Variants in ITGA8 observed in about 807,000 individuals in gnomAD.
ITGA8 encodes integrin subunit alpha 8.
Under a neutral mutation model 142.3 loss-of-function variants are expected in ITGA8, and 91 were observed. The observed-to-expected ratio is 0.64, with a 90% CI of 0.54 to 0.76. The LOEUF (loss-of-function observed/expected upper bound fraction) is 0.76. ITGA8 is among the 30% of genes least tolerant of loss of function. The pLI is 0.00. For missense variants in ITGA8, 1,406 were observed against 1,327.7 expected (o/e 1.06, Z -0.92); for synonymous variants, 505 against 485.2 (o/e 1.04, Z -0.54).
At chr10:15,639,983 G>C (rs1164625947) in intron 13 of ITGA8, among the ~76,000 whole-genome samples, 2 of 152,284 alleles carry the variant, frequency 1.3e-5, no homozygotes, top group Non-Finnish European at 2.9e-5. Flanking sequence ...AACTCCATTG[G>C]GGATGGCAGC....
intron 2 of ITGA8, among the ~76,000 whole-genome samples, chr10:15,718,499 A>C (rs1274313763): frequency 1.3e-5 from 2 of 152,190 alleles, no homozygotes; most frequent in African/African-American, 4.8e-5. Context: ...TGCTCATCTC[A>C]GAAAGGTAAA....
chr10:15,640,341 G>A (rs933456608), intron 13 of ITGA8, among the ~76,000 whole-genome samples: 12 of 152,194 alleles, frequency 7.9e-5, no homozygotes, highest in African/African-American at 2.9e-4. Context: ...GGGTGTGTGT[G>A]CCACCCAGGG....
At chr10:15,715,393 G>T (rs530379854) in intron 2 of ITGA8, among the ~76,000 whole-genome samples, 2 of 152,180 alleles carry the variant, frequency 1.3e-5, no homozygotes, top group African/African-American at 2.4e-5. Flanking sequence ...CTCCTTGGGG[G>T]CTTAGTCATA....
intron 27 of ITGA8, among the ~76,000 whole-genome samples, chr10:15,537,127 C>T (rs1833457926): frequency 6.6e-6 from 1 of 152,182 alleles, no homozygotes; most frequent in Non-Finnish European, 1.5e-5. Flanking sequence ...GACCAGTTTG[C>T]ATGTTCGTTA....
intron 2 of ITGA8, among the ~76,000 whole-genome samples, chr10:15,690,870 A>G (rs1434381842): frequency 1.3e-5 from 2 of 152,140 alleles, no homozygotes; most frequent in Non-Finnish European, 2.9e-5. Context: ...TCCCCTAAAA[A>G]GCTTTTGCAC....
At chr10:15,713,757 A>T (rs1264844519) in intron 2 of ITGA8, among the ~76,000 whole-genome samples, 2 of 152,154 alleles carry the variant, frequency 1.3e-5, no homozygotes, top group African/African-American at 4.8e-5. Context: ...ACCCCCCAAA[A>T]CAAAGGCTTC....
intron 11 of ITGA8, among the ~76,000 whole-genome samples, chr10:15,651,910 G>A (rs189353048): frequency 6.6e-6 from 1 of 152,138 alleles, no homozygotes; most frequent in East Asian, 1.9e-4. Context: ...AATTTACATA[G>A]CATCTAAGTA....
At chr10:15,611,477 A>G (rs1261127104) in intron 15 of ITGA8, 1 of 146,550 alleles carries the variant, frequency 6.8e-6, no homozygotes, top group Non-Finnish European at 1.5e-5. Context: ...CTTTCCATAA[A>G]ACCAAACAGA....
In ITGA8 at chr10:15,519,391, C is replaced by T; in HGVS notation, c.3004G>A (p.Ala1002Thr). The T allele has an allele frequency of 6.2e-7, 1 of 1,613,460 alleles. No individual in the cohort carries two copies. The highest frequency in any genetic ancestry group is 1.1e-5 in the South Asian group (1 of 91,012). ...ATTGAGAAGGAAACATTCGGAGTTG[C>T]CCAAATAACTGATGTCTTAATCTGA... Reference protein sequence around the residue: ...SIVIKTSVIWATPNVSFSIPL... With the variant: ...SIVIKTSVIWTTPNVSFSIPL... Residue 1002 changes from alanine (A) to threonine (T), a missense_variant, in exon 29 of 30, where the codon GCA (alanine) becomes ACA (threonine). Coordinates refer to ENST00000378076, the MANE Select transcript of ITGA8 (RefSeq NM_003638.3).
At chr10:15,549,236 G>GTTT (rs1833747165) in intron 26 of ITGA8, among the ~76,000 whole-genome samples, 1 of 69,994 alleles carries the variant, frequency 1.4e-5, no homozygotes, top group African/African-American at 9.9e-5. Context: ...TTGAGACAGA[G>GTTT]TTTTGCTCTT....
chr10:15,528,303 C>T (rs1481869814), intron 28 of ITGA8, among the ~76,000 whole-genome samples: 3 of 152,064 alleles, frequency 2.0e-5, no homozygotes, highest in African/African-American at 7.2e-5. Flanking sequence ...AAAATGTCTG[C>T]CAGCTCCACT....
At chr10:15,615,757 G>A (rs561903595) in intron 14 of ITGA8, among the ~76,000 whole-genome samples, 2 of 151,960 alleles carry the variant, frequency 1.3e-5, no homozygotes, top group African/African-American at 2.4e-5. Context: ...CAAGTGATCC[G>A]CCCACCTCGG....
rs892994146 is a variant in ITGA8 at position 15,604,068 on chromosome 10, G to A, written c.2118+140C>T. 9 of 744,770 alleles carry A rather than the reference G, an allele frequency of 1.2e-5. No homozygotes were observed. In the African/African-American group the frequency reaches 1.2e-4, roughly 10 times the overall value. 46.1% of individuals were successfully genotyped at this position (744,770 alleles called of 1,614,324 possible). A position where few individuals can be genotyped will look rare whatever the true frequency, so the allele number is the denominator to read the frequency against. The stretch of plus-strand genomic sequence containing the variant: ...CACCCCTGCTTTGTGGCTCATTGCT[G>A]TTATGATTTAACAAAAGAAGGTATC... On this transcript the variant is annotated intron_variant, in intron 20 of 29. Transcript: ENST00000378076.
intron 17 of ITGA8, among the ~76,000 whole-genome samples, 161 bp from the exon 18 acceptor site, chr10:15,606,583 A>G (rs1833201247): frequency 6.6e-6 from 1 of 152,182 alleles, no homozygotes; most frequent in African/African-American, 2.4e-5. Context: ...TGTGGTATAT[A>G]GTAGCCAGCA....
chr10:15,669,241 C>T (rs1834460166), intron 8 of ITGA8, among the ~76,000 whole-genome samples: 1 of 152,062 alleles, frequency 6.6e-6, no homozygotes, highest in Non-Finnish European at 1.5e-5. Flanking sequence ...TTTCTCTAAA[C>T]TTCTCTTCTT....
intron 2 of ITGA8, among the ~76,000 whole-genome samples, 183 bp downstream of exon 2, chr10:15,718,583 G>C (rs777265058): frequency 3.3e-5 from 5 of 152,162 alleles, no homozygotes; most frequent in Admixed American, 2.6e-4. Context: ...TTCACTAAAC[G>C]TCTTCCTTCA....
At chr10:15,702,582 C>T (rs900257628) in intron 2 of ITGA8, among the ~76,000 whole-genome samples, 4 of 152,138 alleles carry the variant, frequency 2.6e-5, no homozygotes, top group Non-Finnish European at 2.9e-5. Context: ...TGAGCCACCG[C>T]GCGTGGCCCA....
In ITGA8 at chr10:15,604,271, T is replaced by C. The variant is rs778115014; in HGVS notation, c.2055A>G (p.Glu685=). ...NARNEGEGAY[E]AELFVMIPEE... Reference sequence around the variant, plus strand: ...CTGGTATCATTACAAAGAGTTCAGCTTCATATGCTCCTTCCCCTTCATTTC... The same window carrying C: ...CTGGTATCATTACAAAGAGTTCAGCCTCATATGCTCCTTCCCCTTCATTTC... Residue 685 remains glutamate, a synonymous_variant, in exon 20 of 30, where the codon GAA becomes GAG. Coordinates refer to ENST00000378076, the MANE Select transcript of ITGA8 (RefSeq NM_003638.3). The C allele has an allele frequency of 2.5e-6, 4 of 1,613,534 alleles. No individual in the cohort carries two copies. In the East Asian group the frequency reaches 6.7e-5, roughly 27 times the overall value.
intron 2 of ITGA8, among the ~76,000 whole-genome samples, chr10:15,715,130 C>T (rs1352697542): frequency 6.6e-6 from 1 of 151,992 alleles, no homozygotes; most frequent in Admixed American, 6.5e-5. Context: ...GTTACTGGCA[C>T]TGAGCAGAGA....
Sources: allele counts gnomAD v4.1 joint callset (sites outside exome capture counted in the v4.1 genomes callset), GRCh38; gene constraint gnomAD v4.1.1; transcripts MANE v1.5; gene names NCBI Gene and HGNC (gene_info 2026-07-23, HGNC 2026-07-21).